The following COL24A1 variants were observed in gnomAD, a reference collection of about 807,000 sequenced individuals.
The protein encoded by COL24A1 is collagen type XXIV alpha 1 chain.
COL24A1 carries 224 observed loss-of-function variants against 253.9 expected under a neutral mutation model. That is an observed-to-expected ratio of 0.88 (90% confidence interval 0.79 to 0.99). The LOEUF (loss-of-function observed/expected upper bound fraction) is 0.99, where lower values mean the gene tolerates loss of function less well. Ranked by LOEUF, COL24A1 falls within the 50% of genes least tolerant of loss-of-function variation. COL24A1 has a pLI of 0.00. For synonymous variants in COL24A1, 685 were observed against 673.7 expected, an observed-to-expected ratio of 1.02 and a Z score of -0.26; for missense variants, 2,131 against 2,068.5, an observed-to-expected ratio of 1.03 and a Z score of -0.59.
intron 19 of COL24A1, among the ~76,000 whole-genome samples, chr1:85,992,907 A>G (rs935928056): frequency 6.6e-6 from 1 of 152,168 alleles, no homozygotes; most frequent in African/African-American, 2.4e-5. Context: ...TTTACCAAGA[A>G]GCAGAAAAAA....
chr1:85,996,079 C>T (rs1192235943), intron 19 of COL24A1, among the ~76,000 whole-genome samples: 2 of 152,034 alleles, frequency 1.3e-5, no homozygotes, highest in African/African-American at 2.4e-5. Context: ...CAAATTTTAC[C>T]ACATATAACT....
At chr1:85,825,647 T>A (rs1233345744) in intron 43 of COL24A1, among the ~76,000 whole-genome samples, 1 of 150,554 alleles carries the variant, frequency 6.6e-6, no homozygotes, top group African/African-American at 2.5e-5. Flanking sequence ...CTCATTGCGG[T>A]TTTGATTTGC....
chr1:86,067,414 A>C (rs1036906040), intron 7 of COL24A1, among the ~76,000 whole-genome samples: 1 of 152,188 alleles, frequency 6.6e-6, no homozygotes, highest in African/African-American at 2.4e-5. Context: ...AATTTAAGTT[A>C]CTGTACTCAC....
chr1:86,033,601 T>C (rs1295610533), intron 13 of COL24A1, among the ~76,000 whole-genome samples: 2 of 152,132 alleles, frequency 1.3e-5, no homozygotes, highest in African/African-American at 4.8e-5. Flanking sequence ...GACAGTATTG[T>C]GATCACATAT....
chr1:86,051,603 G>A (rs1559127450), intron 10 of COL24A1, among the ~76,000 whole-genome samples: 1 of 152,024 alleles, frequency 6.6e-6, no homozygotes, highest in Non-Finnish European at 1.5e-5. Context: ...GTCATGTCAT[G>A]AAGAGTCTTT....
intron 57 of COL24A1, among the ~76,000 whole-genome samples, chr1:85,742,453 C>T (rs563109410): frequency 3.9e-5 from 6 of 152,234 alleles, no homozygotes; most frequent in Non-Finnish European, 7.4e-5. Flanking sequence ...TCTTCCTTTA[C>T]TTACTATCTA....
chr1:85,755,369 T>A (rs898668168), intron 55 of COL24A1, among the ~76,000 whole-genome samples: 7 of 152,208 alleles, frequency 4.6e-5, no homozygotes, highest in East Asian at 1.9e-4. Context: ...TAAAGAGCAG[T>A]AGTAGAAGTT....
intron 59 of COL24A1, among the ~76,000 whole-genome samples, chr1:85,734,086 A>G (rs1207907873): frequency 1.3e-5 from 2 of 150,766 alleles, no homozygotes; most frequent in African/African-American, 2.4e-5. Flanking sequence ...GATTTTTAAT[A>G]GAGACGGGGT....
intron 24 of COL24A1, among the ~76,000 whole-genome samples, chr1:85,929,900 C>G (rs375318982): frequency 2.5e-5 from 3 of 121,028 alleles, no homozygotes; most frequent in African/African-American, 3.2e-5. Flanking sequence ...ACAAAGACAC[C>G]ACATACCAGA....
At chr1:85,918,706 A>G (rs1268970150) in intron 24 of COL24A1, among the ~76,000 whole-genome samples, 7 of 152,214 alleles carry the variant, frequency 4.6e-5, no homozygotes, top group Non-Finnish European at 1.0e-4. Context: ...GGAATCTAAG[A>G]TATCATGGAT....
chr1:85,858,044 C>T (rs1035675743), intron 37 of COL24A1, among the ~76,000 whole-genome samples: 2 of 152,176 alleles, frequency 1.3e-5, no homozygotes, highest in African/African-American at 4.8e-5. Context: ...ATTCAGTTAG[C>T]TATGCCTCTA....
intron 2 of COL24A1, among the ~76,000 whole-genome samples, chr1:86,129,877 T>C (rs1462608656): frequency 2.6e-5 from 4 of 151,790 alleles, no homozygotes; most frequent in African/African-American, 9.7e-5. Context: ...ACATACCAGT[T>C]AGTTGTACCT....
chr1:85,934,925 A>G (rs1321343662), intron 24 of COL24A1, among the ~76,000 whole-genome samples: 1 of 152,076 alleles, frequency 6.6e-6, no homozygotes, highest in Non-Finnish European at 1.5e-5. Context: ...ATATTTCAAA[A>G]CACTGATTCC....
At chr1:85,908,145 TTCA>T (rs142367446) in intron 27 of COL24A1, among the ~76,000 whole-genome samples, 4,861 of 151,848 alleles carry the variant, frequency 0.032, 256 homozygotes, top group African/African-American at 0.11. Context: ...GGGGAAACAC[TTCA>T]TCATCTTTTT....
chr1:85,860,855 A>C (rs1679065669), intron 37 of COL24A1, among the ~76,000 whole-genome samples: 1 of 152,238 alleles, frequency 6.6e-6, no homozygotes, highest in African/African-American at 2.4e-5. Flanking sequence ...GTACTCGTAC[A>C]CCATTCCTTT....
chr1:85,821,140 C>T (rs1242157010), intron 45 of COL24A1, among the ~76,000 whole-genome samples: 3 of 152,080 alleles, frequency 2.0e-5, no homozygotes, highest in East Asian at 3.9e-4. Context: ...CTTTGAGAGT[C>T]ATTATAGGAC....
At position 85,877,814 on chromosome 1, in the gene COL24A1, G is replaced by T. The variant is rs539326705; in HGVS notation, c.2977-639C>A. ...TATATTGTGCTAAGCATTTTGACAA[G>T]GTATCTTATCTAATGTATGTGATAG... On this transcript the variant is annotated intron_variant, in intron 32 of 59. Transcript: ENST00000370571. 2.2e-3 allele frequency among the ~76,000 whole-genome samples: 341 copies of T among 152,208 alleles called. 1 individual carries two copies. The highest frequency in any genetic ancestry group is 3.3e-3 in the Non-Finnish European group (224 of 68,012).
intron 7 of COL24A1, among the ~76,000 whole-genome samples, chr1:86,079,028 G>C (rs1702445805): frequency 6.6e-6 from 1 of 152,024 alleles, no homozygotes; most frequent in African/African-American, 2.4e-5. Flanking sequence ...CAAAACTAGA[G>C]GAATCACATT....
intron 24 of COL24A1, chr1:85,960,709 T>G (rs1690950352): frequency 6.5e-6 from 1 of 152,744 alleles, no homozygotes; most frequent in South Asian, 2.1e-4. Flanking sequence ...ATGGGGAAAC[T>G]CCATCTCTAC....
Sources: allele counts gnomAD v4.1 joint callset (sites outside exome capture counted in the v4.1 genomes callset), GRCh38; gene constraint gnomAD v4.1.1; transcripts MANE v1.5; gene names NCBI Gene and HGNC (gene_info 2026-07-23, HGNC 2026-07-21).